The following KCNIP1 variants were observed in gnomAD, a reference collection of about 807,000 sequenced individuals.
The protein encoded by KCNIP1 is potassium voltage-gated channel interacting protein 1.
KCNIP1 carries 18 observed loss-of-function variants against 33.0 expected under a neutral mutation model. That is an observed-to-expected ratio of 0.55 (90% CI 0.38 to 0.81). KCNIP1 has a LOEUF of 0.81. Ranked by LOEUF, KCNIP1 falls within the 30% of genes least tolerant of loss-of-function variation. The pLI, the probability that KCNIP1 is intolerant of heterozygous loss-of-function variation, is 0.00. For synonymous variants in KCNIP1, 93 were observed against 98.3 expected, an observed-to-expected ratio of 0.95 and a Z score of 0.32; for missense variants, 238 against 271.6, an observed-to-expected ratio of 0.88 and a Z score of 0.87.
At chr5:170,601,047 C>G (rs1425223194) in intron 1 of KCNIP1, among the ~76,000 whole-genome samples, 2 of 152,214 alleles carry the variant, frequency 1.3e-5, no homozygotes, top group Non-Finnish European at 2.9e-5. Context: ...TTTAATTCCT[C>G]CTCTATAAAA....
At chr5:170,721,720 A>G (rs1325771412) in intron 3 of KCNIP1, 113 bp from the exon 4 acceptor site, 4 of 1,612,314 alleles carry the variant, frequency 2.5e-6, no homozygotes, top group East Asian at 2.2e-5. Context: ...TCTCCTTTCC[A>G]TCACCCTAGC....
intron 1 of KCNIP1, among the ~76,000 whole-genome samples, chr5:170,654,413 C>T (rs189599572): frequency 6.6e-6 from 1 of 152,144 alleles, no homozygotes; most frequent in Admixed American, 6.6e-5. Flanking sequence ...ATTGTATGTA[C>T]TATTCTAGTC....
rs545035340 is a variant in KCNIP1 at position 170,432,576 on chromosome 5, A to T, written c.88+78612A>T. ...GAAGTTCAGATGGGAAATGAGAACCACTTGGTAGCCTAAATTCAGAGAAAC... is the reference window on the plus strand; with the variant it reads ...GAAGTTCAGATGGGAAATGAGAACCTCTTGGTAGCCTAAATTCAGAGAAAC... On this transcript the variant is annotated intron_variant, in intron 1 of 7. Transcript: ENST00000377360. 3.9e-5 allele frequency among the ~76,000 whole-genome samples: 6 copies of T among 152,312 alleles called. No homozygotes were observed. The South Asian group carries it at 1.2e-3, about 32-fold the overall frequency.
At chr5:170,374,418 C>G (rs1763932420) in intron 1 of KCNIP1, among the ~76,000 whole-genome samples, 1 of 152,128 alleles carries the variant, frequency 6.6e-6, no homozygotes, top group Non-Finnish European at 1.5e-5. Flanking sequence ...AAGAAACCCT[C>G]ATTTCTTTCC....
intron 1 of KCNIP1, among the ~76,000 whole-genome samples, chr5:170,542,800 G>A (rs774035299): frequency 4.6e-5 from 7 of 152,152 alleles, no homozygotes; most frequent in African/African-American, 1.2e-4. Flanking sequence ...CATCTCTCTC[G>A]TTCACTCGCT....
chr5:170,665,280 A>G (rs894015640), intron 1 of KCNIP1, among the ~76,000 whole-genome samples: 2 of 152,216 alleles, frequency 1.3e-5, no homozygotes, highest in African/African-American at 2.4e-5. Flanking sequence ...GTTAGATACA[A>G]TAACTTTGTC....
chr5:170,535,662 C>T (rs1278684891), intron 1 of KCNIP1, among the ~76,000 whole-genome samples: 1 of 152,162 alleles, frequency 6.6e-6, no homozygotes, highest in African/African-American at 2.4e-5. Context: ...AAATCCCAGC[C>T]CCCTTTGCTT....
intron 1 of KCNIP1, among the ~76,000 whole-genome samples, chr5:170,707,513 G>A (rs1026034550): frequency 6.6e-6 from 1 of 152,172 alleles, no homozygotes; most frequent in Non-Finnish European, 1.5e-5. Flanking sequence ...TATGACTTAC[G>A]TCACATTCTA....
At chr5:170,507,039 T>C (rs772462095) in intron 1 of KCNIP1, among the ~76,000 whole-genome samples, 2 of 152,366 alleles carry the variant, frequency 1.3e-5, no homozygotes, top group Non-Finnish European at 2.9e-5. Context: ...GTTTCTTCTT[T>C]GTAAAGGGAG....
chr5:170,496,135 C>T (rs750452179), intron 1 of KCNIP1, among the ~76,000 whole-genome samples: 1 of 152,146 alleles, frequency 6.6e-6, no homozygotes, highest in Non-Finnish European at 1.5e-5. Flanking sequence ...CTGCAGGAGC[C>T]GAAGAGGGAA....
At chr5:170,603,881 G>T (rs1385169645) in intron 1 of KCNIP1, among the ~76,000 whole-genome samples, 3 of 147,990 alleles carry the variant, frequency 2.0e-5, no homozygotes, top group Non-Finnish European at 4.6e-5. Context: ...GACAGGGAAT[G>T]ACATTTGTGT....
At chr5:170,538,206 C>T (rs771127299) in intron 1 of KCNIP1, among the ~76,000 whole-genome samples, 1 of 152,194 alleles carries the variant, frequency 6.6e-6, no homozygotes, top group Non-Finnish European at 1.5e-5. Context: ...ACTGAGTACA[C>T]GTGCTTGAAC....
intron 1 of KCNIP1, among the ~76,000 whole-genome samples, chr5:170,363,991 G>A (rs1403132989): frequency 1.3e-5 from 2 of 149,110 alleles, no homozygotes; most frequent in Non-Finnish European, 3.0e-5. Context: ...ATTTCACTTA[G>A]TGTAATATCT....
chr5:170,624,167 T>C (rs1759721822), intron 1 of KCNIP1, among the ~76,000 whole-genome samples: 1 of 152,232 alleles, frequency 6.6e-6, no homozygotes, highest in African/African-American at 2.4e-5. Flanking sequence ...AAATAGGTCA[T>C]ACCCATAAAT....
chr5:170,466,291 G>T (rs911258067), intron 1 of KCNIP1, among the ~76,000 whole-genome samples: 1 of 152,174 alleles, frequency 6.6e-6, no homozygotes. Context: ...TGATTAGCAG[G>T]GGAGAGAGCA....
intron 1 of KCNIP1, among the ~76,000 whole-genome samples, chr5:170,581,362 C>T (rs545210335): frequency 6.6e-6 from 1 of 152,212 alleles, no homozygotes; most frequent in African/African-American, 2.4e-5. Context: ...CCACCTGGAT[C>T]ATGAGTGTCA....
intron 1 of KCNIP1, among the ~76,000 whole-genome samples, chr5:170,662,371 T>G (rs1414118224): frequency 6.6e-6 from 1 of 152,144 alleles, no homozygotes; most frequent in Non-Finnish European, 1.5e-5. Flanking sequence ...AAGGCTGTGC[T>G]GGAATCACAT....
chr5:170,601,447 A>T (rs890730756), intron 1 of KCNIP1, among the ~76,000 whole-genome samples: 1 of 152,194 alleles, frequency 6.6e-6, no homozygotes, highest in Admixed American at 6.5e-5. Flanking sequence ...CTTTGTCCCG[A>T]AAACCCAGGG....
chr5:170,634,150 T>C (rs578047326), intron 1 of KCNIP1, among the ~76,000 whole-genome samples: 1 of 151,992 alleles, frequency 6.6e-6, no homozygotes, highest in South Asian at 2.1e-4. Flanking sequence ...TCTGAGCAGA[T>C]AACCAGATGG....
Sources: gnomAD v4.1 joint callset for allele counts (sites outside exome capture counted in the v4.1 genomes callset) on GRCh38, gnomAD v4.1.1 for gene constraint, MANE v1.5 for transcripts, NCBI Gene and HGNC (gene_info 2026-07-23, HGNC 2026-07-21) for gene names.